NOVA1: variants seen among roughly 807,000 people sequenced by gnomAD.
NOVA1 encodes NOVA alternative splicing regulator 1, also known as RNA-binding protein Nova-1.
Under a neutral mutation model 38.0 loss-of-function variants are expected in NOVA1, and 7 were observed. The observed-to-expected ratio is 0.18, with a 90% CI of 0.10 to 0.35. The LOEUF is 0.35. NOVA1 is among the 10% of genes least tolerant of loss of function. NOVA1 has a pLI of 1.00. For synonymous variants in NOVA1, 270 were observed against 232.5 expected (o/e 1.16, Z -1.47); for missense variants, 460 against 616.0 (o/e 0.75, Z 2.68).
rs151046769 is a variant in NOVA1, at chr14:26,560,276, A to G, written c.280+35134T>C. The stretch of plus-strand genomic sequence containing the variant: ...TAGTTGATCTACCACAAAGTTGTGG[A>G]AATGTGTTACTGAAATCAGTAATTG... On this transcript the variant is annotated intron_variant, in intron 2 of 4. Coordinates refer to ENST00000539517, the MANE Select transcript of NOVA1 (RefSeq NM_002515.3). Among the ~76,000 whole-genome samples, 382 of 152,244 alleles carry G rather than the reference A, an allele frequency of 2.5e-3. 1 individual carries two copies. The highest frequency in any genetic ancestry group is 8.7e-3 in the African/African-American group (361 of 41,560).
intron 4 of NOVA1, chr14:26,470,500 A>G (rs1884502677): frequency 3.9e-6 from 6 of 1,523,994 alleles, no homozygotes; most frequent in Non-Finnish European, 5.5e-6. Flanking sequence ...TCTTTGTACA[A>G]GAACAGAAGA....
chr14:26,449,006 T>G (rs1029868357), intron 4 of NOVA1, 43 bp from the exon 5 acceptor site: 10 of 1,506,378 alleles, frequency 6.6e-6, no homozygotes, highest in Non-Finnish European at 9.0e-6. Flanking sequence ...TTCTGTTTTG[T>G]GCATATACAT....
chr14:26,450,320 C>T (rs1208555442), intron 4 of NOVA1, among the ~76,000 whole-genome samples: 1 of 151,772 alleles, frequency 6.6e-6, no homozygotes, highest in Non-Finnish European at 1.5e-5. Context: ...AGGTAGCAAG[C>T]AGAGAAAGTA....
At chr14:26,502,961 G>T (rs1887350642) in intron 2 of NOVA1, among the ~76,000 whole-genome samples, 1 of 151,870 alleles carries the variant, frequency 6.6e-6, no homozygotes, top group African/African-American at 2.4e-5. Context: ...CCTAATTGAG[G>T]ATCAATCAAG....
At chr14:26,518,099 A>G (rs1443898361) in intron 2 of NOVA1, among the ~76,000 whole-genome samples, 1 of 152,088 alleles carries the variant, frequency 6.6e-6, no homozygotes, top group Non-Finnish European at 1.5e-5. Flanking sequence ...TTCATTTCAA[A>G]GGGAAGATAA....
intron 2 of NOVA1, among the ~76,000 whole-genome samples, chr14:26,543,095 A>G (rs974649799): frequency 1.3e-5 from 2 of 152,020 alleles, no homozygotes; most frequent in Non-Finnish European, 2.9e-5. Flanking sequence ...GGATATCCCA[A>G]TTGTCCTGAT....
intron 2 of NOVA1, among the ~76,000 whole-genome samples, chr14:26,553,458 A>G (rs1891286504): frequency 6.6e-6 from 1 of 152,102 alleles, no homozygotes; most frequent in Non-Finnish European, 1.5e-5. Flanking sequence ...AAAGATTAGT[A>G]AGAAGGGAAG....
chr14:26,537,952 G>A (rs1183187014), intron 2 of NOVA1, among the ~76,000 whole-genome samples: 1 of 152,096 alleles, frequency 6.6e-6, no homozygotes, highest in Non-Finnish European at 1.5e-5. Context: ...CATGAGTGAA[G>A]ATGTAGAGGA....
At chr14:26,554,952 T>C (rs936879619) in intron 2 of NOVA1, among the ~76,000 whole-genome samples, 2 of 152,098 alleles carry the variant, frequency 1.3e-5, no homozygotes, top group Admixed American at 6.6e-5. Context: ...TTAAATAACA[T>C]GAATATGTTT....
intron 2 of NOVA1, among the ~76,000 whole-genome samples, chr14:26,557,374 G>A (rs961209836): frequency 1.3e-5 from 2 of 151,994 alleles, no homozygotes; most frequent in Admixed American, 1.3e-4. Flanking sequence ...AAATAGTAGA[G>A]CCATTTTGAT....
chr14:26,474,010 T>G (rs969851020), intron 3 of NOVA1, among the ~76,000 whole-genome samples: 1 of 152,060 alleles, frequency 6.6e-6, no homozygotes, highest in Non-Finnish European at 1.5e-5. Context: ...AGACATATGC[T>G]AATGACTCCA....
intron 2 of NOVA1, among the ~76,000 whole-genome samples, chr14:26,530,812 C>T (rs549485964): frequency 1.3e-5 from 2 of 152,070 alleles, no homozygotes; most frequent in Non-Finnish European, 2.9e-5. Context: ...AAATAAATTA[C>T]AGAAACCAAA....
chr14:26,470,517 A>G (rs372941619), intron 4 of NOVA1: 7 of 1,441,228 alleles, frequency 4.9e-6, no homozygotes, highest in Admixed American at 3.4e-5. Context: ...AAGAAAACAG[A>G]GTATAAGTAA....
At chr14:26,488,442 C>T (rs1264851158) in intron 2 of NOVA1, among the ~76,000 whole-genome samples, 1 of 152,148 alleles carries the variant, frequency 6.6e-6, no homozygotes, top group Non-Finnish European at 1.5e-5. Flanking sequence ...CATAAAGTAG[C>T]ATCTGCACAG....
Position 26,477,362 on chromosome 14 carries a change from T to C in NOVA1, c.447+2615A>G, listed in dbSNP as rs139307692. Reference sequence around the variant, plus strand: ...ACTACTTCTTCCCTGATGTAGCTTTTAGAAAAAATACATATATGAATTAAG... The same window carrying C: ...ACTACTTCTTCCCTGATGTAGCTTTCAGAAAAAATACATATATGAATTAAG... On this transcript the variant is annotated intron_variant, in intron 3 of 4. Transcript: ENST00000539517. Among the ~76,000 whole-genome samples, 297 of 152,262 alleles carry C rather than the reference T, an allele frequency of 2.0e-3. 1 individual carries two copies. Among genetic ancestry groups the C allele is most frequent in the Non-Finnish European group, 3.1e-3 (210 of 68,006 alleles).
At chr14:26,583,597 A>G (rs1893345955) in intron 2 of NOVA1, among the ~76,000 whole-genome samples, 1 of 151,598 alleles carries the variant, frequency 6.6e-6, no homozygotes, top group South Asian at 2.1e-4. Flanking sequence ...AAAATGCAAG[A>G]TAGATTTTTA....
At position 26,444,059 on chromosome 14, in the gene NOVA1, A is replaced by G. The variant is rs988876653; in HGVS notation, c.*3900T>C. 2.2e-4 allele frequency: 33 copies of G among 152,130 alleles called. No homozygotes were observed. Among genetic ancestry groups the G allele is most frequent in the Non-Finnish European group, 3.1e-4 (21 of 68,000 alleles). The allele number at this position is 152,130 out of a possible 1,614,324, so 9.4% of individuals were successfully genotyped here. The stretch of plus-strand genomic sequence containing the variant: ...TTACTTAAGGACTCAGTGAGGAATC[A>G]GCATATAAATCAAGACTGAAATATA... On this transcript the variant is annotated 3_prime_UTR_variant, in exon 5 of 5. Transcript: ENST00000539517.
Position 26,529,357 on chromosome 14 carries a change from T to C in NOVA1, c.281-49214A>G, listed in dbSNP as rs139183503. Among the ~76,000 whole-genome samples the C allele has an allele frequency of 7.0e-4, 107 of 152,140 alleles. 1 individual carries two copies. In the East Asian group the frequency reaches 0.02, roughly 28 times the overall value. On this transcript the variant is annotated intron_variant, in intron 2 of 4. Transcript: ENST00000539517. Reference sequence around the variant, plus strand: ...TTCATCATGTTGGCCAGGCTGGTCTTGAACTCCTGACTGCAGGTGATCTGC... The same window carrying C: ...TTCATCATGTTGGCCAGGCTGGTCTCGAACTCCTGACTGCAGGTGATCTGC...
intron 4 of NOVA1, among the ~76,000 whole-genome samples, chr14:26,451,164 A>G (rs1009733692): frequency 6.6e-6 from 1 of 152,096 alleles, no homozygotes; most frequent in Non-Finnish European, 1.5e-5. Flanking sequence ...GAAGATATTA[A>G]TTTCTACTAT....
Sources: allele counts gnomAD v4.1 joint callset (sites outside exome capture counted in the v4.1 genomes callset), GRCh38; gene constraint gnomAD v4.1.1; transcripts MANE v1.5; gene names NCBI Gene and HGNC (gene_info 2026-07-23, HGNC 2026-07-21).